Variants in CPNE8 observed in about 807,000 individuals in gnomAD.
The protein encoded by CPNE8 is copine-8.
A neutral mutation model predicts 81.5 loss-of-function variants in CPNE8; 45 were observed. That is an observed-to-expected ratio of 0.55 (90% CI 0.44 to 0.71). The LOEUF is 0.71. CPNE8 is among the 30% of genes least tolerant of loss of function. The probability of loss-of-function intolerance (pLI) is 0.00; values close to 1 mark genes in which losing one functional copy is unlikely to be tolerated. For missense variants in CPNE8, 594 were observed against 672.1 expected, an observed-to-expected ratio of 0.88 and a Z score of 1.28; for synonymous variants, 252 against 226.3, an observed-to-expected ratio of 1.11 and a Z score of -1.02.
intron 6 of CPNE8, among the ~76,000 whole-genome samples, chr12:38,797,346 C>G (rs946476472): frequency 6.6e-6 from 1 of 152,130 alleles, no homozygotes; most frequent in Non-Finnish European, 1.5e-5. Flanking sequence ...TCCTCTGAGA[C>G]AAAACTTCCA....
At chr12:38,745,712 T>TA (rs1299984925) in intron 10 of CPNE8, among the ~76,000 whole-genome samples, 5 of 152,078 alleles carry the variant, frequency 3.3e-5, no homozygotes, top group East Asian at 1.9e-4. Flanking sequence ...TGGGCTAATT[T>TA]AAAAAAATTA....
intron 3 of CPNE8, among the ~76,000 whole-genome samples, chr12:38,869,025 C>A (rs1318317339): frequency 6.6e-6 from 1 of 152,124 alleles, no homozygotes; most frequent in Non-Finnish European, 1.5e-5. Flanking sequence ...CCATTTCTGA[C>A]CTATAAAATA....
At chr12:38,738,502 G>T (rs1224095677) in intron 10 of CPNE8, among the ~76,000 whole-genome samples, 2 of 152,122 alleles carry the variant, frequency 1.3e-5, no homozygotes, top group African/African-American at 4.8e-5. Flanking sequence ...TTTATTTTGT[G>T]CTGTATAGAT....
Position 38,767,686 on chromosome 12 carries a change from A to T in CPNE8, c.524T>A (p.Phe175Tyr). Residue 175 changes from phenylalanine to tyrosine, a missense_variant, in exon 8 of 20, where the codon TTT becomes TAT. By Grantham distance (22) the Phe-to-Tyr change is conservative (BLOSUM62 3). Coordinates refer to ENST00000331366, the MANE Select transcript of CPNE8 (RefSeq NM_153634.3). The stretch of plus-strand genomic sequence containing the variant: ...TACAAGGAAAGGATCTGATTTTCCA[A>T]AGAAGTCCTTCTTGTCCAATTTGTT... ...CANKLDKKDFFGKSDPFLVFY... is the reference protein window; with the variant it reads ...CANKLDKKDFYGKSDPFLVFY... 1 of 1,564,104 alleles carries T rather than the reference A, an allele frequency of 6.4e-7. No homozygotes were observed. The highest frequency in any genetic ancestry group is 8.6e-7 in the Non-Finnish European group (1 of 1,162,072).
intron 6 of CPNE8, among the ~76,000 whole-genome samples, chr12:38,807,513 A>G (rs907518797): frequency 1.3e-5 from 2 of 150,720 alleles, no homozygotes; most frequent in African/African-American, 4.9e-5. Context: ...AGGATTCCCT[A>G]TTTAATAAAT....
chr12:38,713,019 C>T (rs1009859692), intron 13 of CPNE8, among the ~76,000 whole-genome samples: 2 of 152,004 alleles, frequency 1.3e-5, no homozygotes, highest in Non-Finnish European at 2.9e-5. Context: ...ATTCAGTTAA[C>T]CCTCACAGCC....
chr12:38,846,366 A>G (rs1417724661), intron 4 of CPNE8, among the ~76,000 whole-genome samples: 2 of 152,180 alleles, frequency 1.3e-5, no homozygotes, highest in Non-Finnish European at 2.9e-5. Context: ...AAAAACTAAG[A>G]GAAGGTTGGG....
chr12:38,876,661 T>A (rs1944070990), intron 1 of CPNE8, among the ~76,000 whole-genome samples: 1 of 152,224 alleles, frequency 6.6e-6, no homozygotes, highest in Non-Finnish European at 1.5e-5. Context: ...TAAATCTTCA[T>A]AACATAGTCT....
intron 16 of CPNE8, among the ~76,000 whole-genome samples, chr12:38,682,805 C>A (rs900898978): frequency 1.7e-4 from 26 of 152,104 alleles, no homozygotes; most frequent in East Asian, 7.7e-4. Flanking sequence ...GACTGAAGTG[C>A]AGTACATTTG....
chr12:38,786,775 T>A (rs1592087378), intron 6 of CPNE8, among the ~76,000 whole-genome samples: 2 of 152,066 alleles, frequency 1.3e-5, no homozygotes, highest in Admixed American at 1.3e-4. Context: ...AAGGGGTCAA[T>A]TAAGCAAGGG....
chr12:38,862,794 CA>C (rs1943857854), intron 3 of CPNE8, among the ~76,000 whole-genome samples: 2 of 152,168 alleles, frequency 1.3e-5, no homozygotes, highest in South Asian at 4.1e-4. Flanking sequence ...ACTAAAAATA[CA>C]AAAATGAGTC....
At chr12:38,721,667 C>T (rs944336860) in intron 13 of CPNE8, among the ~76,000 whole-genome samples, 18 of 152,204 alleles carry the variant, frequency 1.2e-4, no homozygotes, top group African/African-American at 4.1e-4. Flanking sequence ...CACCATGTTG[C>T]AGGCATAGAG....
intron 4 of CPNE8, among the ~76,000 whole-genome samples, chr12:38,840,844 T>C (rs1221922124): frequency 6.6e-6 from 1 of 152,150 alleles, no homozygotes; most frequent in Non-Finnish European, 1.5e-5. Flanking sequence ...CCCCTGGCAT[T>C]AAAGAGTTTG....
intron 15 of CPNE8, 100 bp from the exon 16 acceptor site, chr12:38,685,717 C>A (rs1316547022): frequency 3.7e-5 from 46 of 1,235,202 alleles, no homozygotes; most frequent in Non-Finnish European, 5.1e-5. Context: ...CGTTGACACT[C>A]ATATTTTTTG....
intron 1 of CPNE8, among the ~76,000 whole-genome samples, chr12:38,883,743 A>G (rs1242570888): frequency 1.3e-5 from 2 of 152,216 alleles, no homozygotes; most frequent in African/African-American, 4.8e-5. Flanking sequence ...CATTACCAAG[A>G]AGAACTCAAA....
intron 13 of CPNE8, among the ~76,000 whole-genome samples, chr12:38,719,990 C>T (rs1398333696): frequency 6.6e-6 from 1 of 152,124 alleles, no homozygotes; most frequent in East Asian, 1.9e-4. Flanking sequence ...TAAATCAGAA[C>T]TGGGTTCTTT....
intron 6 of CPNE8, among the ~76,000 whole-genome samples, chr12:38,807,389 A>G (rs554320758): frequency 0.01 from 1,525 of 150,662 alleles, 30 homozygotes; most frequent in African/African-American, 0.034. Context: ...GCATGGGACT[A>G]GTACCAAAAC....
chr12:38,800,226 A>C (rs1244872673), intron 6 of CPNE8, among the ~76,000 whole-genome samples: 2 of 80,846 alleles, frequency 2.5e-5, no homozygotes, highest in Non-Finnish European at 6.3e-5. Context: ...ACAAAAAGAC[A>C]GCAGTAACCT....
intron 6 of CPNE8, among the ~76,000 whole-genome samples, chr12:38,798,088 G>C (rs1458757614): frequency 1.3e-5 from 2 of 152,202 alleles, no homozygotes; most frequent in Non-Finnish European, 2.9e-5. Flanking sequence ...GTACCTGAAA[G>C]TGACAGGGAG....
Sources: gnomAD v4.1 joint callset for allele counts (sites outside exome capture counted in the v4.1 genomes callset) on GRCh38, gnomAD v4.1.1 for gene constraint, MANE v1.5 for transcripts, NCBI Gene and HGNC (gene_info 2026-07-23, HGNC 2026-07-21) for gene names.